LDB2: variants seen among roughly 807,000 people sequenced by gnomAD.
The protein encoded by LDB2 is LIM domain binding 2.
LDB2 carries 12 observed loss-of-function variants against 44.3 expected under a neutral mutation model. The observed-to-expected ratio is 0.27, with a 90% CI of 0.17 to 0.44. The LOEUF is 0.44. Ranked by LOEUF, LDB2 falls within the 20% of genes least tolerant of loss-of-function variation. The pLI, the probability that LDB2 is intolerant of heterozygous loss-of-function variation, is 1.00. For synonymous variants in LDB2, 164 were observed against 174.8 expected, an observed-to-expected ratio of 0.94 and a Z score of 0.49; for missense variants, 344 against 473.5, an observed-to-expected ratio of 0.73 and a Z score of 2.54.
At position 16,894,311 on chromosome 4, in the gene LDB2, G is replaced by A. The variant is rs531885005; in HGVS notation, c.132+4043C>T. On this transcript the variant is annotated intron_variant, in intron 1 of 7. Transcript: ENST00000304523. ...CAGAAAATGTAAACTCCTTTCTGCT[G>A]CCTGGGAATTACAGTGAACAACAGT... is the stretch of plus-strand genomic sequence containing the variant. Among the ~76,000 whole-genome samples, 7 of 152,182 alleles carry A rather than the reference G, an allele frequency of 4.6e-5. No homozygotes were observed. The East Asian group carries it at 9.7e-4, about 21-fold the overall frequency.
At chr4:16,752,573 T>C (rs1289759181) in intron 2 of LDB2, 2 of 340,640 alleles carry the variant, frequency 5.9e-6, no homozygotes, top group Admixed American at 4.3e-5. Flanking sequence ...TGTTGTCTCA[T>C]AGGTTTAACT....
In LDB2 at chr4:16,544,557, A is replaced by G. The variant is rs75909247; in HGVS notation, c.616-32453T>C. 6.3e-3 allele frequency among the ~76,000 whole-genome samples: 954 copies of G among 152,298 alleles called. 7 individuals carry two copies. Among genetic ancestry groups the G allele is most frequent in the African/African-American group, 0.022 (913 of 41,574 alleles). ...CTGAGTGGAAACAGCTGGAGGAGCC[A>G]TGTTCCTGGGAGAAGGGGAGAGGTT... On this transcript the variant is annotated intron_variant, in intron 5 of 7. Transcript: ENST00000304523.
intron 7 of LDB2, among the ~76,000 whole-genome samples, chr4:16,504,300 C>T (rs564287539): frequency 9.9e-5 from 15 of 152,242 alleles, no homozygotes; most frequent in African/African-American, 2.6e-4. Context: ...CCTTAGTTAC[C>T]CCCTAGTCTT....
intron 1 of LDB2, among the ~76,000 whole-genome samples, chr4:16,849,141 T>C (rs1418690881): frequency 6.6e-6 from 1 of 152,194 alleles, no homozygotes; most frequent in African/African-American, 2.4e-5. Flanking sequence ...TTCATTTTTT[T>C]CCCTCTGTCT....
intron 1 of LDB2, among the ~76,000 whole-genome samples, chr4:16,822,410 C>T (rs1014251773): frequency 2.0e-5 from 3 of 152,104 alleles, no homozygotes; most frequent in East Asian, 3.9e-4. Flanking sequence ...AGAGTGTCCA[C>T]GGAATTTTTT....
chr4:16,825,024 T>C (rs567022841), intron 1 of LDB2, among the ~76,000 whole-genome samples: 89 of 152,258 alleles, frequency 5.8e-4, no homozygotes, highest in African/African-American at 2.0e-3. Context: ...AGGGAAGTAT[T>C]TGCAATGCAG....
chr4:16,614,580 CAAAAAAA>C (rs1164613202), intron 2 of LDB2, among the ~76,000 whole-genome samples: 9 of 53,810 alleles, frequency 1.7e-4, no homozygotes, highest in South Asian at 8.1e-4. Context: ...CAAGAAAAAA[CAAAAAAA>C]AAAAAAAAAA....
intron 1 of LDB2, among the ~76,000 whole-genome samples, chr4:16,765,798 T>C (rs1310123049): frequency 1.3e-5 from 2 of 152,168 alleles, no homozygotes; most frequent in South Asian, 2.1e-4. Context: ...CTCACAATAA[T>C]GGAATGCCCC....
At chr4:16,666,086 T>C (rs988089705) in intron 2 of LDB2, among the ~76,000 whole-genome samples, 4 of 152,178 alleles carry the variant, frequency 2.6e-5, no homozygotes, top group Non-Finnish European at 5.9e-5. Context: ...AGAGAGTACA[T>C]TTCTGCGGTT....
At chr4:16,670,242 A>G (rs62296952) in intron 2 of LDB2, among the ~76,000 whole-genome samples, 1 of 152,196 alleles carries the variant, frequency 6.6e-6, no homozygotes, top group Non-Finnish European at 1.5e-5. Context: ...AGGACAGTCT[A>G]CTGGTACAAG....
chr4:16,849,952 A>C (rs1787854788), intron 1 of LDB2, among the ~76,000 whole-genome samples: 1 of 152,232 alleles, frequency 6.6e-6, no homozygotes, highest in African/African-American at 2.4e-5. Context: ...AAAAGTAGGC[A>C]TACTTTTAAC....
chr4:16,714,199 G>A lies in LDB2; in HGVS notation c.235+44959C>T, dbSNP rs182200469. 5.2e-3 allele frequency among the ~76,000 whole-genome samples: 792 copies of A among 152,284 alleles called. 4 individuals are homozygous for A. Among genetic ancestry groups the A allele is most frequent in the South Asian group, 0.015 (73 of 4,822 alleles). On this transcript the variant is annotated intron_variant, in intron 2 of 7. Coordinates refer to ENST00000304523, the MANE Select transcript of LDB2 (RefSeq NM_001290.5). ...GGAGGGGTTTTTTAAATCTTCATTC[G>A]AATGAGGGTACTGTTTTGCTTGGAA...
At chr4:16,696,750 T>A (rs911068609) in intron 2 of LDB2, among the ~76,000 whole-genome samples, 1 of 152,348 alleles carries the variant, frequency 6.6e-6, no homozygotes, top group African/African-American at 2.4e-5. Context: ...ACTCATTCCA[T>A]GATGGGTCTA....
At chr4:16,610,829 G>A (rs1725402711) in intron 2 of LDB2, among the ~76,000 whole-genome samples, 1 of 152,162 alleles carries the variant, frequency 6.6e-6, no homozygotes, top group Admixed American at 6.5e-5. Flanking sequence ...AACCTAGCAA[G>A]ATAGGCCAAC....
intron 1 of LDB2, among the ~76,000 whole-genome samples, chr4:16,821,667 G>T (rs923898835): frequency 3.5e-5 from 5 of 142,270 alleles, no homozygotes; most frequent in African/African-American, 1.3e-4. Context: ...GGGATTACAG[G>T]CGTGAGCCAC....
chr4:16,832,775 C>T (rs1784277473), intron 1 of LDB2, among the ~76,000 whole-genome samples: 1 of 152,226 alleles, frequency 6.6e-6, no homozygotes, highest in African/African-American at 2.4e-5. Flanking sequence ...TCTGTAAGTA[C>T]TAAGTACCAC....
chr4:16,848,080 G>A (rs1787445003), intron 1 of LDB2, among the ~76,000 whole-genome samples: 3 of 152,178 alleles, frequency 2.0e-5, no homozygotes, highest in African/African-American at 7.2e-5. Context: ...GATGAATGCT[G>A]AAAGGTATTT....
chr4:16,827,752 T>A (rs1055907622), intron 1 of LDB2, among the ~76,000 whole-genome samples: 2 of 152,200 alleles, frequency 1.3e-5, no homozygotes, highest in Non-Finnish European at 2.9e-5. Flanking sequence ...CATATGTCTA[T>A]GCTTTGACAA....
chr4:16,814,020 C>CACT (rs369673378), intron 1 of LDB2, among the ~76,000 whole-genome samples: 47 of 152,036 alleles, frequency 3.1e-4, no homozygotes, highest in African/African-American at 1.1e-3. Flanking sequence ...TACAGGCGCC[C>CACT]ACCACCACGC....
Sources: gnomAD v4.1 joint callset for allele counts (sites outside exome capture counted in the v4.1 genomes callset) on GRCh38, gnomAD v4.1.1 for gene constraint, MANE v1.5 for transcripts, NCBI Gene and HGNC (gene_info 2026-07-23, HGNC 2026-07-21) for gene names.